Variants in AGL observed in about 807,000 individuals in gnomAD.
The protein encoded by AGL is amylo-alpha-1,6-glucosidase and 4-alpha-glucanotransferase.
AGL carries 128 observed loss-of-function variants against 199.3 expected under a neutral mutation model. That is an observed-to-expected ratio of 0.64 (90% CI 0.56 to 0.74). AGL has a LOEUF of 0.74. Among genes scored for constraint, AGL ranks in the 30% least tolerant of loss-of-function variants. The probability of loss-of-function intolerance (pLI) is 0.00; values close to 1 mark genes in which losing one functional copy is unlikely to be tolerated. For synonymous variants in AGL, 584 were observed against 594.7 expected, an observed-to-expected ratio of 0.98 and a Z score of 0.26; for missense variants, 1,809 against 1,820.8, an observed-to-expected ratio of 0.99 and a Z score of 0.12.
rs1655067591 is a variant in AGL, at chr1:99,915,732, C to G, written c.4259+246C>G. Reference sequence around the variant, plus strand: ...GCTGTAGTGAGCTATGATGGCACCACTGCACTCCAGCCTGCTTGACAGAAT... The same window carrying G: ...GCTGTAGTGAGCTATGATGGCACCAGTGCACTCCAGCCTGCTTGACAGAAT... On this transcript the variant is annotated intron_variant, in intron 31 of 33. Transcript: ENST00000361915. 1.3e-5 allele frequency among the ~76,000 whole-genome samples: 2 copies of G among 152,036 alleles called. 1 individual carries two copies. Among genetic ancestry groups the G allele is most frequent in the South Asian group, 4.1e-4 (2 of 4,820 alleles).
chr1:99,849,906 C>T (rs997936725), upstream of AGL, among the ~76,000 whole-genome samples: 6 of 152,230 alleles, frequency 3.9e-5, no homozygotes, highest in Non-Finnish European at 8.8e-5. Flanking sequence ...ACTGTGAGCT[C>T]GCAGGCTGTT....
intron 27 of AGL, among the ~76,000 whole-genome samples, chr1:99,909,400 C>T (rs1296679048): frequency 6.6e-6 from 1 of 152,084 alleles, no homozygotes; most frequent in Non-Finnish European, 1.5e-5. Context: ...TCTGCTACCC[C>T]CAGGTAGGGG....
intron 2 of AGL, among the ~76,000 whole-genome samples, chr1:99,858,063 T>G (rs1170326800): frequency 6.6e-6 from 1 of 152,224 alleles, no homozygotes; most frequent in African/African-American, 2.4e-5. Flanking sequence ...TTGTTTGCAG[T>G]ATGTTGCCAT....
intron 27 of AGL, among the ~76,000 whole-genome samples, chr1:99,908,260 A>G (rs1464566673): frequency 6.6e-6 from 1 of 151,912 alleles, no homozygotes; most frequent in Non-Finnish European, 1.5e-5. Context: ...CCATTTGCCA[A>G]AAAAAATATA....
chr1:99,858,376 G>C (rs180712271), intron 2 of AGL, among the ~76,000 whole-genome samples: 8 of 152,322 alleles, frequency 5.3e-5, no homozygotes, highest in Admixed American at 1.3e-4. Flanking sequence ...ATTGATGCTT[G>C]GAGCAGAGTT....
intron 33 of AGL, among the ~76,000 whole-genome samples, chr1:99,917,375 T>G (rs1365492248): frequency 6.6e-6 from 1 of 152,196 alleles, no homozygotes; most frequent in African/African-American, 2.4e-5. Context: ...TTCATATTAA[T>G]AGAGCCACTC....
At chr1:99,892,752 C>T (rs1653007171) in intron 24 of AGL, 145 bp downstream of exon 24, 2 of 809,570 alleles carry the variant, frequency 2.5e-6, no homozygotes, top group African/African-American at 3.4e-5. Flanking sequence ...GATATTCACT[C>T]ATAAAAATAA....
At chr1:99,850,459 T>G (rs1383094085) in intron 1 of AGL, 44 bp downstream of exon 1, 1 of 153,544 alleles carries the variant, frequency 6.5e-6, no homozygotes, top group African/African-American at 2.4e-5. Context: ...AAACGCATTC[T>G]TTCTATCTAT....
rs1212406913 is a variant in AGL, at chr1:99,888,008, A to G, written c.2712A>G (p.Leu904=). 6.2e-7 allele frequency: 1 copy of G among 1,613,422 alleles called. No homozygotes were observed. The highest frequency in any genetic ancestry group is 2.2e-5 in the East Asian group (1 of 44,840). The change falls in exon 21 of 34, where the codon CTA becomes CTG. Residue 904 remains leucine (L), a synonymous_variant. Coordinates refer to ENST00000361915, the MANE Select transcript of AGL (RefSeq NM_000642.3). The part of the protein sequence containing the change: ...SLASRLTLAE[L]NQILYRCESE... ...CCTCCAGATTAACTTTGGCTGAGCT[A>G]AATCAGATCCTTTACCGATGTGAAT...
At chr1:99,889,074 C>T (rs1652676257) in intron 21 of AGL, among the ~76,000 whole-genome samples, 1 of 124,546 alleles carries the variant, frequency 8.0e-6, no homozygotes, top group South Asian at 2.9e-4. Context: ...GAAGTAAATG[C>T]TCTATGGCTT....
chr1:99,876,727 A>G (rs1349629346), intron 11 of AGL, 130 bp downstream of exon 11: 24 of 1,086,902 alleles, frequency 2.2e-5, no homozygotes, highest in Non-Finnish European at 3.3e-5. Context: ...TAAAGGTACC[A>G]GAGATACATA....
intron 4 of AGL, 87 bp from the exon 5 acceptor site, chr1:99,864,299 A>T: frequency 8.1e-7 from 1 of 1,242,002 alleles, no homozygotes; most frequent in Non-Finnish European, 1.2e-6. Flanking sequence ...ATAATTACTT[A>T]AGAAAGTTTA....
intron 24 of AGL, among the ~76,000 whole-genome samples, chr1:99,893,668 C>A (rs1218803292): frequency 6.6e-6 from 1 of 152,164 alleles, no homozygotes; most frequent in Non-Finnish European, 1.5e-5. Flanking sequence ...TAAACTGTTA[C>A]ATCTGACATA....
chr1:99,901,773 G>A (rs1653859807), intron 26 of AGL, among the ~76,000 whole-genome samples: 1 of 151,288 alleles, frequency 6.6e-6, no homozygotes, highest in African/African-American at 2.4e-5. Flanking sequence ...GGGGGGCTGG[G>A]AGGGGATAGT....
In AGL at chr1:99,879,918, T is replaced by C. The variant is rs988791083; in HGVS notation, c.1612-5T>C. ...TTGTTACATTTGTCACTGTGCTTTT[T>C]ACAGTACATGTTGGATGCTGCTAGG... On this transcript the variant is annotated splice_region_variant and splice_polypyrimidine_tract_variant and intron_variant, in intron 12 of 33. Coordinates refer to ENST00000361915, the MANE Select transcript of AGL (RefSeq NM_000642.3). 4 of 1,608,374 alleles carry C rather than the reference T, an allele frequency of 2.5e-6. No individual in the cohort carries two copies. The African/African-American group carries it at 5.3e-5, about 22-fold the overall frequency.
Position 99,884,456 on chromosome 1 carries a change from G to A in AGL, c.2546+5G>A. On this transcript the variant is annotated splice_donor_5th_base_variant and intron_variant, in intron 19 of 33. Transcript: ENST00000361915. Reference sequence around the variant, plus strand: ...AGGAAGTGTTATTATATTCAGGTATGTTAATTGAGCTCAAACTGTTGACTT... The same window carrying A: ...AGGAAGTGTTATTATATTCAGGTATATTAATTGAGCTCAAACTGTTGACTT... The A allele has an allele frequency of 6.2e-7, 1 of 1,605,066 alleles. No individual in the cohort carries two copies. Among genetic ancestry groups the A allele is most frequent in the South Asian group, 1.1e-5 (1 of 90,828 alleles).
At chr1:99,859,821 C>T (rs1649888854) in intron 2 of AGL, among the ~76,000 whole-genome samples, 1 of 152,146 alleles carries the variant, frequency 6.6e-6, no homozygotes, top group Admixed American at 6.5e-5. Context: ...AGATTACAGG[C>T]GTGAGCTACT....
chr1:99,901,956 C>T (rs963592117), intron 26 of AGL, among the ~76,000 whole-genome samples: 3 of 152,036 alleles, frequency 2.0e-5, no homozygotes, highest in Non-Finnish European at 4.4e-5. Context: ...TTATTTTACA[C>T]ATAACTTTGT....
Position 99,881,188 on chromosome 1 carries a change from ATGT to A in AGL, c.2001+16_2001+18del. ...TTAGTGCCTCATCAGGTTTGTTTAT[ATGT>A]TGTTTCTTAAAACCTACATGGCCAA... On this transcript the variant is annotated intron_variant, in intron 15 of 33. Transcript: ENST00000361915. 6.2e-7 allele frequency: 1 copy of A among 1,613,086 alleles called. No homozygotes were observed. Among genetic ancestry groups the A allele is most frequent in the Non-Finnish European group, 8.5e-7 (1 of 1,179,148 alleles).
Sources: allele counts gnomAD v4.1 joint callset (sites outside exome capture counted in the v4.1 genomes callset), GRCh38; gene constraint gnomAD v4.1.1; transcripts MANE v1.5; gene names NCBI Gene and HGNC (gene_info 2026-07-23, HGNC 2026-07-21).